Variants in HAS3 observed in about 807,000 individuals in gnomAD.
HAS3 encodes hyaluronan synthase 3.
Under a neutral mutation model 50.3 loss-of-function variants are expected in HAS3, and 27 were observed. The observed-to-expected ratio is 0.54, with a 90% CI of 0.40 to 0.74. HAS3 has a LOEUF of 0.74. Among genes scored for constraint, HAS3 ranks in the 30% least tolerant of loss-of-function variants. The pLI is 0.00. For missense variants in HAS3, 517 were observed against 742.8 expected (o/e 0.70, Z 3.53); for synonymous variants, 339 against 310.9 (o/e 1.09, Z -0.95).
the HAS3 span, among the ~76,000 whole-genome samples, chr16:69,100,207 T>C: frequency 6.6e-6 from 1 of 152,198 alleles, no homozygotes; most frequent in Non-Finnish European, 1.5e-5. Context: ...GGGAAAGTTA[T>C]GAAAGAATAA....
At chr16:69,083,687 G>A in the HAS3 span, 2 of 1,546,480 alleles carry the variant, frequency 1.3e-6, no homozygotes, top group South Asian at 1.2e-5. Context: ...CGTGGAGGAG[G>A]CAGGCAGGGC....
At chr16:69,092,875 C>G in the HAS3 span, among the ~76,000 whole-genome samples, 3 of 152,148 alleles carry the variant, frequency 2.0e-5, no homozygotes, top group East Asian at 3.9e-4. Context: ...TTTGTTATAC[C>G]TCTTGAGTTT....
In HAS3 at chr16:69,109,660, C is replaced by A. The variant is rs371730623; in HGVS notation, c.265C>A (p.Leu89Met). 1 of 1,610,158 alleles carries A rather than the reference C, an allele frequency of 6.2e-7. No homozygotes were observed. Among genetic ancestry groups the A allele is most frequent in the Non-Finnish European group, 8.5e-7 (1 of 1,179,836 alleles). ...CTCCCCGCGGCGGGGCTCGGTGGCA[C>A]TGTGCATTGCCGCATACCAGGAGGA... Reference protein sequence around the residue: ...LPSPRRGSVALCIAAYQEDPD... With the variant: ...LPSPRRGSVAMCIAAYQEDPD... Residue 89 changes from leucine (L) to methionine (M), a missense_variant, in exon 2 of 4, where the codon CTG becomes ATG. By Grantham distance (15) the Leu-to-Met change is conservative (BLOSUM62 2). Coordinates refer to ENST00000569188, the MANE Select transcript of HAS3 (RefSeq NM_001199280.2). This position sits in a 1 kb window ranked among gnomAD's most constrained non-coding sequence, Gnocchi z 5.3.
Position 69,115,600 on chromosome 16 carries a change from C to G in HAS3, c.*334C>G. 1.9e-6 allele frequency: 2 copies of G among 1,045,560 alleles called. No individual in the cohort carries two copies. Among genetic ancestry groups the G allele is most frequent in the South Asian group, 8.9e-5 (2 of 22,596 alleles). 64.8% of individuals were successfully genotyped at this position (1,045,560 alleles called of 1,614,324 possible). A position where few individuals can be genotyped will look rare whatever the true frequency, so the allele number is the denominator to read the frequency against. On this transcript the variant is annotated 3_prime_UTR_variant, in exon 4 of 4. Transcript: ENST00000569188. Reference sequence around the variant, plus strand: ...AACCAAGTTAAGTCCCATTCAGTGGCAACTTGTGATAGGTACCTGAGTGAC... The same window carrying G: ...AACCAAGTTAAGTCCCATTCAGTGGGAACTTGTGATAGGTACCTGAGTGAC...
rs1597092481 is a variant in HAS3, at chr16:69,107,223, T to G, written c.-1+1436T>G. ...GCCTGCACCAGCGCCTGATTGCACG[T>G]GGGGTATCTGGCTGAGGGACATTTT... is the stretch of plus-strand genomic sequence containing the variant. On this transcript the variant is annotated intron_variant, in intron 1 of 3. Coordinates refer to ENST00000569188, the MANE Select transcript of HAS3 (RefSeq NM_001199280.2). This position sits in a 1 kb window ranked among gnomAD's most constrained non-coding sequence, Gnocchi z 5.5. 33 of 493,758 alleles carry G rather than the reference T, an allele frequency of 6.7e-5. No individual in the cohort carries two copies. Among genetic ancestry groups the G allele is most frequent in the South Asian group, 8.7e-5 (1 of 11,466 alleles). 30.6% of individuals were successfully genotyped at this position (493,758 alleles called of 1,614,324 possible).
chr16:69,112,814 C>A (rs778297708), intron 2 of HAS3, among the ~76,000 whole-genome samples: 2 of 152,244 alleles, frequency 1.3e-5, no homozygotes, highest in South Asian at 4.1e-4. Flanking sequence ...CTGGAGGCAG[C>A]TGCTGCAGCT....
intron 2 of HAS3, among the ~76,000 whole-genome samples, chr16:69,110,621 G>A (rs1464509763): frequency 6.6e-6 from 1 of 152,038 alleles, no homozygotes; most frequent in African/African-American, 2.4e-5. Context: ...ACACTCCCAG[G>A]GAGAAGTGCT....
Position 69,107,813 on chromosome 16 carries a change from A to T in HAS3, c.1-1583A>T, listed in dbSNP as rs1031972366. 70 of 643,414 alleles carry T rather than the reference A, an allele frequency of 1.1e-4. No individual in the cohort carries two copies. The highest frequency in any genetic ancestry group is 1.2e-4 in the Non-Finnish European group (64 of 516,890). 39.9% of individuals were successfully genotyped at this position (643,414 alleles called of 1,614,324 possible). A position where few individuals can be genotyped will look rare whatever the true frequency, so the allele number is the denominator to read the frequency against. Reference sequence around the variant, plus strand: ...GGGAGGGCTGGGAGTCCTGTGAAGGAAGCACACGGCGGGCTCCCCGGGACG... The same window carrying T: ...GGGAGGGCTGGGAGTCCTGTGAAGGTAGCACACGGCGGGCTCCCCGGGACG... On this transcript the variant is annotated intron_variant, in intron 1 of 3. Transcript: ENST00000569188. The surrounding 1 kb of genome is among the most constrained non-coding windows in gnomAD (Gnocchi z 5.5).
In HAS3 at chr16:69,107,207, A is replaced by T. The variant is rs1232415342; in HGVS notation, c.-1+1420A>T. 1 of 422,020 alleles carries T rather than the reference A, an allele frequency of 2.4e-6. No individual in the cohort carries two copies. The highest frequency in any genetic ancestry group is 1.6e-4 in the East Asian group (1 of 6,088). The allele number at this position is 422,020 out of a possible 1,614,324, so 26.1% of individuals were successfully genotyped here. ...GAGAACCTCGACCACAGCCTGCACC[A>T]GCGCCTGATTGCACGTGGGGTATCT... On this transcript the variant is annotated intron_variant, in intron 1 of 3. Coordinates refer to ENST00000569188, the MANE Select transcript of HAS3 (RefSeq NM_001199280.2). The surrounding 1 kb of genome is among the most constrained non-coding windows in gnomAD (Gnocchi z 5.5).
rs367914454 is a variant in HAS3, at chr16:69,109,530, C to T, written c.135C>T (p.Phe45=). ...ACACGGAAAAGCACTACCTGTCCTT[C>T]GGCCTGTACGGCGCCATCCTGGGCC... ...FIHTEKHYLS[F]GLYGAILGLH... Residue 45 remains phenylalanine, a synonymous_variant, in exon 2 of 4, where the codon TTC becomes TTT. Coordinates refer to ENST00000569188, the MANE Select transcript of HAS3 (RefSeq NM_001199280.2). This position sits in a 1 kb window ranked among gnomAD's most constrained non-coding sequence, Gnocchi z 5.3. 1.2e-5 allele frequency: 19 copies of T among 1,613,958 alleles called. No homozygotes were observed. Among genetic ancestry groups the T allele is most frequent in the Middle Eastern group, 1.6e-4 (1 of 6,062 alleles).
At chr16:69,096,655 T>G in the HAS3 span, among the ~76,000 whole-genome samples, 1 of 135,548 alleles carries the variant, frequency 7.4e-6, no homozygotes, top group Non-Finnish European at 1.5e-5. Context: ...TGTCGCTCTG[T>G]CACCCAGGTT....
chr16:69,118,099 GCA>G (rs1961291194), downstream of HAS3: 6 of 549,712 alleles, frequency 1.1e-5, no homozygotes, highest in Non-Finnish European at 2.0e-5. Flanking sequence ...GCCGAACAAA[GCA>G]CAGTGATTTC....
chr16:69,112,256 C>T (rs933072114), intron 2 of HAS3, among the ~76,000 whole-genome samples: 2 of 152,214 alleles, frequency 1.3e-5, no homozygotes, highest in Middle Eastern at 3.2e-3. Flanking sequence ...GAGTCTTGGC[C>T]TGTAAGTGGA....
Position 69,114,336 on chromosome 16 carries a change from C to T in HAS3, c.739-7C>T, listed in dbSNP as rs777563815. 3.1e-6 allele frequency: 5 copies of T among 1,588,796 alleles called. No homozygotes were observed. The African/African-American group carries it at 4.0e-5, about 13-fold the overall frequency. On this transcript the variant is annotated splice_polypyrimidine_tract_variant and splice_region_variant and intron_variant, in intron 3 of 3. Coordinates refer to ENST00000569188, the MANE Select transcript of HAS3 (RefSeq NM_001199280.2). The surrounding 1 kb of genome is among the most constrained non-coding windows in gnomAD (Gnocchi z 6.4). ...TTAGGAGGCCCAGCATCTCTATTCC[C>T]TTGCAGATCCTCAACAAGTACGACT...
the HAS3 span, among the ~76,000 whole-genome samples, chr16:69,086,600 T>G: frequency 6.6e-6 from 1 of 151,000 alleles, no homozygotes; most frequent in Non-Finnish European, 1.5e-5. Flanking sequence ...GTTAAAACTT[T>G]AGGATAATAA....
intron 2 of HAS3, among the ~76,000 whole-genome samples, chr16:69,112,670 A>G (rs907397102): frequency 6.6e-6 from 1 of 152,170 alleles, no homozygotes; most frequent in Admixed American, 6.5e-5. Context: ...CCACTTCACT[A>G]ATTTTTTAGA....
At chr16:69,091,879 AATAATGACT>A in the HAS3 span, among the ~76,000 whole-genome samples, 1 of 152,164 alleles carries the variant, frequency 6.6e-6, no homozygotes, top group Non-Finnish European at 1.5e-5. Context: ...ATGGCCCTAG[AATAATGACT>A]ATATTTCCCA....
chr16:69,088,139 C>T, the HAS3 span, among the ~76,000 whole-genome samples: 18 of 152,272 alleles, frequency 1.2e-4, no homozygotes, highest in East Asian at 3.1e-3. Flanking sequence ...AACGATTTAT[C>T]GAGCACCTAT....
chr16:69,086,642 C>G, the HAS3 span, among the ~76,000 whole-genome samples: 1 of 151,934 alleles, frequency 6.6e-6, no homozygotes, highest in African/African-American at 2.4e-5. Context: ...CAGTGGCTTA[C>G]GCCTGTAATC....
Sources: allele counts gnomAD v4.1 joint callset (sites outside exome capture counted in the v4.1 genomes callset), GRCh38; gene constraint gnomAD v4.1.1; non-coding constraint Gnocchi (gnomAD v3.1); transcripts MANE v1.5; gene names NCBI Gene and HGNC (gene_info 2026-07-23, HGNC 2026-07-21).